RYR2: variants seen among roughly 807,000 people sequenced by gnomAD.
RYR2 encodes cardiac muscle ryanodine receptor-calcium release channel.
In RYR2, 227 loss-of-function variants were observed where a neutral mutation model predicts 601.1. The ratio of observed to expected loss-of-function variants is 0.38; its 90% CI spans 0.34 to 0.42. The LOEUF (loss-of-function observed/expected upper bound fraction) is 0.42, where lower values mean the gene tolerates loss of function less well. Ranked by LOEUF, RYR2 falls within the 10% of genes least tolerant of loss-of-function variation. The probability of loss-of-function intolerance (pLI) is 1.00; values close to 1 mark genes in which losing one functional copy is unlikely to be tolerated. For missense variants in RYR2, 4,646 were observed against 6,156.5 expected (o/e 0.75, Z 8.21); for synonymous variants, 2,223 against 2,175.1 (o/e 1.02, Z -0.61).
At chr1:237,249,576 T>C (rs1687247956) in intron 1 of RYR2, among the ~76,000 whole-genome samples, 2 of 151,358 alleles carry the variant, frequency 1.3e-5, no homozygotes, top group South Asian at 2.1e-4. Context: ...AATGAGATAA[T>C]TGAATCTCAT....
rs1380406964 is a variant in RYR2 at position 237,801,852 on chromosome 1, G to A, written c.14091-4G>A. On this transcript the variant is annotated splice_polypyrimidine_tract_variant and splice_region_variant and intron_variant, in intron 97 of 104. Transcript: ENST00000366574. ...CTACGCATTTTTTTTTTTTGTCATT[G>A]CAGACTGAACTCCATTGATGTGAAG... 2 of 1,538,386 alleles carry A rather than the reference G, an allele frequency of 1.3e-6. No individual in the cohort carries two copies. The highest frequency in any genetic ancestry group is 2.4e-5 in the South Asian group (2 of 82,770).
intron 3 of RYR2, among the ~76,000 whole-genome samples, chr1:237,349,889 A>G (rs914409803): frequency 6.6e-5 from 10 of 152,164 alleles, no homozygotes; most frequent in Admixed American, 1.3e-4. Context: ...TCTGTTCTTA[A>G]ATTAGATTAT....
intron 1 of RYR2, among the ~76,000 whole-genome samples, chr1:237,250,623 G>A (rs1687360314): frequency 6.6e-6 from 1 of 152,074 alleles, no homozygotes; most frequent in Non-Finnish European, 1.5e-5. Flanking sequence ...ATTTCACTGA[G>A]AAAACAGAAG....
chr1:237,810,783 A>G (rs1423309645), intron 100 of RYR2, among the ~76,000 whole-genome samples: 7 of 152,180 alleles, frequency 4.6e-5, no homozygotes, highest in Non-Finnish European at 1.0e-4. Flanking sequence ...AAATTCATGT[A>G]TACAGATATG....
At chr1:237,781,673 C>A (rs374788462) in intron 89 of RYR2, 27 bp downstream of exon 89, 45 of 1,207,904 alleles carry the variant, frequency 3.7e-5, no homozygotes, top group East Asian at 3.5e-4. Flanking sequence ...CTTTTAAATT[C>A]TCTTTATTAT....
chr1:237,490,311 A>G (rs1285621271), intron 17 of RYR2, among the ~76,000 whole-genome samples: 1 of 152,218 alleles, frequency 6.6e-6, no homozygotes, highest in East Asian at 1.9e-4. Flanking sequence ...AAACCTGCCC[A>G]TGTATCCCTT....
intron 1 of RYR2, among the ~76,000 whole-genome samples, chr1:237,258,103 G>A (rs1288292970): frequency 6.6e-6 from 1 of 150,696 alleles, no homozygotes; most frequent in Non-Finnish European, 1.5e-5. Context: ...AGGAGGTCGA[G>A]GTTGCAGTGA....
In RYR2 at chr1:237,631,783, T is replaced by A. The variant is rs138077876; in HGVS notation, c.6555+242T>A. On this transcript the variant is annotated intron_variant, in intron 42 of 104. Coordinates refer to ENST00000366574, the MANE Select transcript of RYR2 (RefSeq NM_001035.3). ...GCTGGGATTAGAGGCGCCCGCCACCTCGCCCGGCTAATTTTTTTGTGTTTT... is the reference window on the plus strand; with the variant it reads ...GCTGGGATTAGAGGCGCCCGCCACCACGCCCGGCTAATTTTTTTGTGTTTT... 0.032 allele frequency among the ~76,000 whole-genome samples: 4,899 copies of A among 151,288 alleles called. 241 individuals are homozygous for A. Among genetic ancestry groups the A allele is most frequent in the African/African-American group, 0.11 (4,460 of 41,062 alleles).
At chr1:237,068,562 G>A (rs1663932179) in intron 1 of RYR2, among the ~76,000 whole-genome samples, 1 of 151,860 alleles carries the variant, frequency 6.6e-6, no homozygotes, top group Non-Finnish European at 1.5e-5. Flanking sequence ...CAATTCTTAG[G>A]GGCTTTTAAA....
rs1432442675 is a variant in RYR2, at chr1:237,819,795, G to A, written c.14590+603G>A. Among the ~76,000 whole-genome samples, 1 of 152,008 alleles carries A rather than the reference G, an allele frequency of 6.6e-6. No homozygotes were observed. Among genetic ancestry groups the A allele is most frequent in the Admixed American group, 6.6e-5 (1 of 15,258 alleles). Reference sequence around the variant, plus strand: ...ATCACGCCACTGCACTCCAGCCTGGGCAACAAGAGCGAAACTCCATTTCAA... The same window carrying A: ...ATCACGCCACTGCACTCCAGCCTGGACAACAAGAGCGAAACTCCATTTCAA... On this transcript the variant is annotated intron_variant, in intron 101 of 104. Transcript: ENST00000366574. The surrounding 1 kb of genome is among the most constrained non-coding windows in gnomAD (Gnocchi z 4.0).
intron 14 of RYR2, among the ~76,000 whole-genome samples, chr1:237,452,533 T>G (rs1275960138): frequency 1.0e-5 from 1 of 100,284 alleles, no homozygotes; most frequent in Non-Finnish European, 2.4e-5. Context: ...TAAATATATA[T>G]AATATATAAC....
intron 1 of RYR2, among the ~76,000 whole-genome samples, chr1:237,137,154 T>A (rs1254775581): frequency 6.6e-6 from 1 of 151,842 alleles, no homozygotes; most frequent in Non-Finnish European, 1.5e-5. Flanking sequence ...TCCAGTAACA[T>A]GATTTGTGTG....
intron 2 of RYR2, among the ~76,000 whole-genome samples, chr1:237,320,026 G>A (rs1190209251): frequency 6.6e-6 from 1 of 152,226 alleles, no homozygotes; most frequent in Non-Finnish European, 1.5e-5. Flanking sequence ...TAGTCGAGCT[G>A]TGGGGAGATG....
chr1:237,174,600 C>T (rs903859867), intron 1 of RYR2, among the ~76,000 whole-genome samples: 2 of 152,154 alleles, frequency 1.3e-5, no homozygotes, highest in African/African-American at 4.8e-5. Context: ...AGTGAGTGGC[C>T]ATTGCCTACT....
At chr1:237,772,485 T>C (rs977535061) in intron 86 of RYR2, among the ~76,000 whole-genome samples, 2 of 152,204 alleles carry the variant, frequency 1.3e-5, no homozygotes, top group African/African-American at 4.8e-5. Flanking sequence ...ACTACTACCA[T>C]ACACTTAAAT....
At chr1:237,786,084 C>T (rs932377418) in intron 91 of RYR2, 48 bp downstream of exon 91, 2 of 1,185,832 alleles carry the variant, frequency 1.7e-6, no homozygotes, top group Non-Finnish European at 2.5e-6. Flanking sequence ...TTTGTCATTA[C>T]ATCTCTTTTT....
chr1:237,410,788 TG>T (rs1286400564), intron 10 of RYR2, among the ~76,000 whole-genome samples: 2 of 152,136 alleles, frequency 1.3e-5, no homozygotes, highest in African/African-American at 4.8e-5. Context: ...TGGATCCCTG[TG>T]CTGGAGCTAC....
intron 92 of RYR2, among the ~76,000 whole-genome samples, chr1:237,788,597 G>A (rs777346872): frequency 3.9e-5 from 6 of 151,964 alleles, no homozygotes; most frequent in Non-Finnish European, 7.4e-5. Context: ...TTGAGCCATA[G>A]TCAGTATTTC....
chr1:237,324,024 C>T (rs987888021), intron 2 of RYR2, among the ~76,000 whole-genome samples: 2 of 152,164 alleles, frequency 1.3e-5, no homozygotes, highest in Non-Finnish European at 2.9e-5. Flanking sequence ...CTACCCAGAA[C>T]TATGAACAGA....
Sources: gnomAD v4.1 joint callset for allele counts (sites outside exome capture counted in the v4.1 genomes callset) on GRCh38, gnomAD v4.1.1 for gene constraint, Gnocchi (gnomAD v3.1) non-coding constraint, MANE v1.5 for transcripts, NCBI Gene and HGNC (gene_info 2026-07-23, HGNC 2026-07-21) for gene names.